KCNK10: variants seen among roughly 807,000 people sequenced by gnomAD.
KCNK10 encodes potassium channel subfamily K member 10.
Under a neutral mutation model 47.7 loss-of-function variants are expected in KCNK10, and 25 were observed. The observed-to-expected ratio is 0.52, with a 90% CI of 0.38 to 0.73. The LOEUF (loss-of-function observed/expected upper bound fraction) is 0.73. Among genes scored for constraint, KCNK10 ranks in the 30% least tolerant of loss-of-function variants. The pLI, the probability that KCNK10 is intolerant of heterozygous loss-of-function variation, is 0.00. For synonymous variants in KCNK10, 303 were observed against 285.6 expected (o/e 1.06, Z -0.61); for missense variants, 563 against 714.5 (o/e 0.79, Z 2.42).
chr14:88,302,782 A>G (rs1490805050), intron 1 of KCNK10, among the ~76,000 whole-genome samples: 3 of 152,222 alleles, frequency 2.0e-5, no homozygotes, highest in Non-Finnish European at 2.9e-5. Flanking sequence ...ATGGAAATGA[A>G]GTGCTTCAAG....
At chr14:88,199,695 C>T (rs1478351849) in intron 4 of KCNK10, among the ~76,000 whole-genome samples, 3 of 152,162 alleles carry the variant, frequency 2.0e-5, no homozygotes, top group Admixed American at 1.3e-4. Context: ...ACCCAGAACA[C>T]GTAAAAGAGA....
At chr14:88,209,406 A>G (rs2139848464) in intron 4 of KCNK10, among the ~76,000 whole-genome samples, 1 of 152,342 alleles carries the variant, frequency 6.6e-6, no homozygotes, top group East Asian at 1.9e-4. Context: ...ACTTGCAGCC[A>G]GTGAAGTGTG....
intron 4 of KCNK10, among the ~76,000 whole-genome samples, chr14:88,200,509 T>C (rs748941058): frequency 2.6e-5 from 4 of 152,122 alleles, no homozygotes; most frequent in Non-Finnish European, 4.4e-5. Flanking sequence ...GAAAGGGATA[T>C]GCATGAACTT....
At position 88,180,600 on chromosome 14, in the gene KCNK10, T is replaced by C. The variant is rs545594784; in HGVS notation, c.*4935A>G. ...TGCACAGGGAACTATTTCAGATTTT[T>C]CACCTAAGAATCAAGAACACAAAGT... is the stretch of plus-strand genomic sequence containing the variant. On this transcript the variant is annotated 3_prime_UTR_variant, in exon 7 of 7. Transcript: ENST00000319231. 2.5e-6 allele frequency: 1 copy of C among 395,138 alleles called. No homozygotes were observed. Among genetic ancestry groups the C allele is most frequent in the Non-Finnish European group, 4.5e-6 (1 of 224,268 alleles). The allele number at this position is 395,138 out of a possible 1,614,324, so 24.5% of individuals were successfully genotyped here.
chr14:88,184,110 T>C lies in KCNK10; in HGVS notation c.*1425A>G, dbSNP rs1426452305. On this transcript the variant is annotated 3_prime_UTR_variant, in exon 7 of 7. Coordinates refer to ENST00000319231, the MANE Select transcript of KCNK10 (RefSeq NM_138317.3). Reference sequence around the variant, plus strand: ...TTTTCCCCTTTCTGATACAAACCCATTTAAAATCATCATGCAACCTATGAC... The same window carrying C: ...TTTTCCCCTTTCTGATACAAACCCACTTAAAATCATCATGCAACCTATGAC... The C allele has an allele frequency of 6.6e-6, 1 of 152,330 alleles. No individual in the cohort carries two copies. The highest frequency in any genetic ancestry group is 2.4e-5 in the African/African-American group (1 of 41,424). The allele number at this position is 152,330 out of a possible 1,614,324, so 9.4% of individuals were successfully genotyped here. A position where few individuals can be genotyped will look rare whatever the true frequency, so the allele number is the denominator to read the frequency against.
At chr14:88,317,313 A>C (rs112105923) in intron 1 of KCNK10, among the ~76,000 whole-genome samples, 1,923 of 152,328 alleles carry the variant, frequency 0.013, 31 homozygotes, top group African/African-American at 0.044. Flanking sequence ...CAACCTAGCA[A>C]GTTGAAAATG....
At chr14:88,232,295 A>G (rs1183112386) in intron 3 of KCNK10, among the ~76,000 whole-genome samples, 1 of 152,224 alleles carries the variant, frequency 6.6e-6, no homozygotes, top group Non-Finnish European at 1.5e-5. Flanking sequence ...TTATGATCGC[A>G]AGGGAACAGG....
chr14:88,264,120 C>T (rs1470424531), intron 1 of KCNK10, among the ~76,000 whole-genome samples: 1 of 152,188 alleles, frequency 6.6e-6, no homozygotes, highest in East Asian at 1.9e-4. Context: ...GGCATAACCA[C>T]TCCTGATCTA....
At chr14:88,310,162 A>G (rs1316311498) in intron 1 of KCNK10, among the ~76,000 whole-genome samples, 1 of 123,660 alleles carries the variant, frequency 8.1e-6, no homozygotes, top group African/African-American at 2.9e-5. Flanking sequence ...TCTCTCATAT[A>G]CCATATCATA....
intron 1 of KCNK10, among the ~76,000 whole-genome samples, chr14:88,271,494 G>A (rs34227242): frequency 0.042 from 6,442 of 152,236 alleles, 438 homozygotes; most frequent in African/African-American, 0.15. Flanking sequence ...CGCTAGAGTG[G>A]ACAGACAAGA....
intron 1 of KCNK10, among the ~76,000 whole-genome samples, chr14:88,286,981 G>T (rs1283880474): frequency 6.6e-6 from 1 of 152,152 alleles, no homozygotes; most frequent in Non-Finnish European, 1.5e-5. Context: ...CTCATTTATT[G>T]TTCATTACAA....
intron 4 of KCNK10, among the ~76,000 whole-genome samples, chr14:88,213,047 C>G (rs1885511310): frequency 6.6e-6 from 1 of 152,142 alleles, no homozygotes; most frequent in Admixed American, 6.5e-5. Context: ...AAACATTTTC[C>G]CTTCCCTAAG....
Position 88,260,234 on chromosome 14 carries a change from C to T in KCNK10, c.402+2968G>A, listed in dbSNP as rs146146601. On this transcript the variant is annotated intron_variant, in intron 2 of 6. Coordinates refer to ENST00000319231, the MANE Select transcript of KCNK10 (RefSeq NM_138317.3). The surrounding 1 kb of genome is among the most constrained non-coding windows in gnomAD (Gnocchi z 4.5). ...CTGGGATTACAGGTGTAAGCCACCGCGCCAGGCCAAGATATGGTTGTTTAA... is the reference window on the plus strand; with the variant it reads ...CTGGGATTACAGGTGTAAGCCACCGTGCCAGGCCAAGATATGGTTGTTTAA... Among the ~76,000 whole-genome samples the T allele has an allele frequency of 2.4e-3, 362 of 152,248 alleles. 3 individuals are homozygous for T. The highest frequency in any genetic ancestry group is 7.2e-3 in the African/African-American group (301 of 41,536).
At position 88,263,501 on chromosome 14, in the gene KCNK10, C is replaced by T. The variant is rs778002565; in HGVS notation, c.103G>A (p.Gly35Arg). ...PVCQPKSATNGQPPAPAPTPT... is the reference protein window; with the variant it reads ...PVCQPKSATNRQPPAPAPTPT... ...GTCGGAGCCGGAGCCGGGGGTTGCC[C>T]GTTAGTGGCGCTCTTGGGCTGGCAC... The change falls in exon 2 of 7, where the codon GGG becomes AGG. Residue 35 changes from glycine (G) to arginine (R), a missense_variant. Gly to Arg is a moderately radical substitution (Grantham distance 125). Coordinates refer to ENST00000319231, the MANE Select transcript of KCNK10 (RefSeq NM_138317.3). 32 of 1,613,412 alleles carry T rather than the reference C, an allele frequency of 2.0e-5. No individual in the cohort carries two copies. Among genetic ancestry groups the T allele is most frequent in the Non-Finnish European group, 2.4e-5 (28 of 1,180,010 alleles).
At chr14:88,287,473 C>T (rs1314369058) in intron 1 of KCNK10, among the ~76,000 whole-genome samples, 1 of 152,162 alleles carries the variant, frequency 6.6e-6, no homozygotes, top group African/African-American at 2.4e-5. Context: ...TCACTGCCCC[C>T]ACCCTTTTCA....
intron 1 of KCNK10, among the ~76,000 whole-genome samples, chr14:88,279,381 G>T (rs1046719915): frequency 5.3e-5 from 8 of 150,182 alleles, no homozygotes; most frequent in African/African-American, 2.0e-4. Context: ...GTGTGTGTGT[G>T]TGTGTGTGTG....
At chr14:88,225,297 A>G (rs1023568492) in intron 4 of KCNK10, among the ~76,000 whole-genome samples, 1 of 152,214 alleles carries the variant, frequency 6.6e-6, no homozygotes, top group African/African-American at 2.4e-5. Context: ...CAGCAAATGC[A>G]TTCATTGTGC....
At chr14:88,291,632 G>A (rs1887879664) in intron 1 of KCNK10, among the ~76,000 whole-genome samples, 2 of 152,188 alleles carry the variant, frequency 1.3e-5, no homozygotes, top group South Asian at 4.1e-4. Context: ...ACAGGTAGGG[G>A]CATGAGAGAT....
chr14:88,251,796 T>C (rs568956870), intron 2 of KCNK10, among the ~76,000 whole-genome samples: 11 of 152,308 alleles, frequency 7.2e-5, no homozygotes, highest in African/African-American at 2.6e-4. Flanking sequence ...CTTTCTAAGT[T>C]CCCTTTGCTA....
Sources: gnomAD v4.1 joint callset for allele counts (sites outside exome capture counted in the v4.1 genomes callset) on GRCh38, gnomAD v4.1.1 for gene constraint, Gnocchi (gnomAD v3.1) non-coding constraint, MANE v1.5 for transcripts, NCBI Gene and HGNC (gene_info 2026-07-23, HGNC 2026-07-21) for gene names.